The following PGPEP1L variants were observed in gnomAD, a reference collection of about 807,000 sequenced individuals.
PGPEP1L encodes pyroglutamyl-peptidase 1-like protein.
A neutral mutation model predicts 6.0 loss-of-function variants in PGPEP1L; 7 were observed. The ratio of observed to expected loss-of-function variants is 1.17; its 90% CI spans 0.66 to 2.19. The LOEUF (loss-of-function observed/expected upper bound fraction) is 2.19, where lower values mean the gene tolerates loss of function less well. Ranked by LOEUF, PGPEP1L falls within the 30% of genes most tolerant of loss-of-function variation. The probability of loss-of-function intolerance (pLI) is 0.00; values close to 1 mark genes in which losing one functional copy is unlikely to be tolerated. For missense variants in PGPEP1L, 209 were observed against 192.5 expected, an observed-to-expected ratio of 1.09 and a Z score of -0.51; for synonymous variants, 103 against 83.9, an observed-to-expected ratio of 1.23 and a Z score of -1.24.
At chr15:98,992,199 C>A (rs2017829058) in intron 2 of PGPEP1L, among the ~76,000 whole-genome samples, 1 of 152,204 alleles carries the variant, frequency 6.6e-6, no homozygotes, top group South Asian at 2.1e-4. Context: ...TTTAGAAAAC[C>A]CCATCGTCTC....
chr15:98,972,812 A>C (rs895907688), intron 2 of PGPEP1L, among the ~76,000 whole-genome samples: 1 of 128,254 alleles, frequency 7.8e-6, no homozygotes, highest in Admixed American at 1.0e-4. Flanking sequence ...CGGAGCTTGC[A>C]GTGAGCAGAG....
intron 2 of PGPEP1L, among the ~76,000 whole-genome samples, chr15:98,980,317 T>C: frequency 6.6e-6 from 1 of 152,140 alleles, no homozygotes; most frequent in South Asian, 2.1e-4. Context: ...AGGGAGGCAT[T>C]GTCCTAGGAT....
In PGPEP1L at chr15:98,968,298, C is replaced by T. The variant is rs1596507518; in HGVS notation, c.*180G>A. The stretch of plus-strand genomic sequence containing the variant: ...TAGTTCATCCCCTGTGAAATGTCCA[C>T]CTTTCAGAGTGTTCTTTCTCCTGAC... On this transcript the variant is annotated 3_prime_UTR_variant, in exon 5 of 5. Transcript: ENST00000535714. The T allele has an allele frequency of 4.4e-5, 28 of 632,504 alleles. No homozygotes were observed. The East Asian group carries it at 7.7e-4, about 18-fold the overall frequency. 39.2% of individuals were successfully genotyped at this position (632,504 alleles called of 1,614,324 possible).
intron 2 of PGPEP1L, among the ~76,000 whole-genome samples, chr15:98,990,293 A>G (rs1236692425): frequency 3.3e-5 from 5 of 152,218 alleles, no homozygotes; most frequent in Admixed American, 3.3e-4. Flanking sequence ...GAAAGAAAAA[A>G]AAAAGCAGCA....
intron 2 of PGPEP1L, among the ~76,000 whole-genome samples, chr15:98,972,180 C>T (rs1469770095): frequency 2.6e-5 from 4 of 151,930 alleles, no homozygotes; most frequent in Non-Finnish European, 5.9e-5. Context: ...TGGCAAAACC[C>T]CATCTCTACT....
At chr15:99,005,721 G>C (rs2018046686) in intron 1 of PGPEP1L, 65 bp from the exon 2 acceptor site, 1 of 152,600 alleles carries the variant, frequency 6.6e-6, no homozygotes. Flanking sequence ...ACAGCGGGTT[G>C]GAGCGCCAGC....
At chr15:98,999,514 A>G (rs528282389) in intron 2 of PGPEP1L, among the ~76,000 whole-genome samples, 203 of 152,328 alleles carry the variant, frequency 1.3e-3, no homozygotes, top group Middle Eastern at 6.8e-3. Flanking sequence ...GCTCCGGGAA[A>G]TAGTTTGACA....
At chr15:98,981,219 G>A (rs1221785499) in intron 2 of PGPEP1L, among the ~76,000 whole-genome samples, 5 of 152,202 alleles carry the variant, frequency 3.3e-5, no homozygotes, top group South Asian at 2.1e-4. Context: ...CTGGCCGGGC[G>A]CGGTGGCTCC....
At chr15:98,991,705 A>C (rs1023441568) in intron 2 of PGPEP1L, among the ~76,000 whole-genome samples, 1 of 152,250 alleles carries the variant, frequency 6.6e-6, no homozygotes, top group Non-Finnish European at 1.5e-5. Flanking sequence ...AAAATCCTCA[A>C]TAAAATACTG....
intron 3 of PGPEP1L, among the ~76,000 whole-genome samples, chr15:98,970,257 T>G (rs2017474264): frequency 6.6e-6 from 1 of 151,368 alleles, no homozygotes; most frequent in East Asian, 1.9e-4. Flanking sequence ...TTGGCCAGGC[T>G]GGTCTCAAAC....
chr15:98,983,654 C>G (rs2017701576), intron 2 of PGPEP1L, among the ~76,000 whole-genome samples: 1 of 152,202 alleles, frequency 6.6e-6, no homozygotes, highest in Non-Finnish European at 1.5e-5. Context: ...GCACAGGTCA[C>G]TATGTAAAAC....
At chr15:99,002,028 T>C (rs537352971) in intron 2 of PGPEP1L, among the ~76,000 whole-genome samples, 1 of 152,256 alleles carries the variant, frequency 6.6e-6, no homozygotes, top group South Asian at 2.1e-4. Context: ...TATTTTTATT[T>C]TCAGACAGGA....
At chr15:98,991,203 T>C (rs1596523244) in intron 2 of PGPEP1L, among the ~76,000 whole-genome samples, 2 of 151,740 alleles carry the variant, frequency 1.3e-5, no homozygotes, top group South Asian at 4.2e-4. Context: ...ACAAAATAGA[T>C]AATATGCTAG....
intron 2 of PGPEP1L, among the ~76,000 whole-genome samples, chr15:98,973,918 G>A (rs2017532187): frequency 6.6e-6 from 1 of 152,134 alleles, no homozygotes; most frequent in African/African-American, 2.4e-5. Context: ...TGAATAGGTG[G>A]TTTTGGGAAC....
rs972854644 is a variant in PGPEP1L at position 98,985,112 on chromosome 15, G to A, written c.-141-13954C>T. ...AGGCACTGGACGCAGAGCTTGAGGA[G>A]GGGCAAATATGAACTCACGGCACAG... is the stretch of plus-strand genomic sequence containing the variant. On this transcript the variant is annotated intron_variant, in intron 2 of 4. Transcript: ENST00000535714. 2.0e-5 allele frequency among the ~76,000 whole-genome samples: 3 copies of A among 152,176 alleles called. No individual in the cohort carries two copies. In the East Asian group the frequency reaches 5.8e-4, roughly 29 times the overall value.
chr15:98,991,541 T>G (rs192316919), intron 2 of PGPEP1L, among the ~76,000 whole-genome samples: 1 of 152,340 alleles, frequency 6.6e-6, no homozygotes, highest in East Asian at 1.9e-4. Flanking sequence ...AAAGAGGAGC[T>G]GGTACCATTC....
intron 2 of PGPEP1L, among the ~76,000 whole-genome samples, chr15:98,980,169 A>C (rs1321815407): frequency 3.9e-5 from 6 of 152,198 alleles, no homozygotes; most frequent in African/African-American, 1.4e-4. Flanking sequence ...CCTGTTCCCC[A>C]AAAACTTATG....
At position 98,994,419 on chromosome 15, in the gene PGPEP1L, T is replaced by C. The variant is rs546848125; in HGVS notation, c.-142+11010A>G. Among the ~76,000 whole-genome samples the C allele has an allele frequency of 3.3e-5, 5 of 152,172 alleles. No individual in the cohort carries two copies. In the East Asian group the frequency reaches 9.6e-4, roughly 29 times the overall value. ...CTGTAATCCCAGCACTTTGGGAGGC[T>C]GAGGTGGGTGGATTGCTTGAGTCCA... On this transcript the variant is annotated intron_variant, in intron 2 of 4. Transcript: ENST00000535714.
chr15:98,998,567 C>T (rs920281010), intron 2 of PGPEP1L, among the ~76,000 whole-genome samples: 4 of 152,178 alleles, frequency 2.6e-5, no homozygotes, highest in South Asian at 2.1e-4. Flanking sequence ...GGGATAGGTT[C>T]GTCAACCAAT....
Sources: allele counts gnomAD v4.1 joint callset (sites outside exome capture counted in the v4.1 genomes callset), GRCh38; gene constraint gnomAD v4.1.1; transcripts MANE v1.5; gene names NCBI Gene and HGNC (gene_info 2026-07-23, HGNC 2026-07-21).